XPR1: variants seen among roughly 807,000 people sequenced by gnomAD.
XPR1 encodes solute carrier family 53 member 1.
XPR1 carries 28 observed loss-of-function variants against 87.5 expected under a neutral mutation model. The ratio of observed to expected loss-of-function variants is 0.32; its 90% CI spans 0.24 to 0.44. The LOEUF (loss-of-function observed/expected upper bound fraction) is 0.44, where lower values mean the gene tolerates loss of function less well. Among genes scored for constraint, XPR1 ranks in the 20% least tolerant of loss-of-function variants. The probability of loss-of-function intolerance (pLI) is 1.00; values close to 1 mark genes in which losing one functional copy is unlikely to be tolerated. For synonymous variants in XPR1, 300 were observed against 306.1 expected (o/e 0.98, Z 0.21); for missense variants, 559 against 862.3 (o/e 0.65, Z 4.41).
At chr1:180,826,903 C>T (rs1323572496) in intron 9 of XPR1, among the ~76,000 whole-genome samples, 2 of 151,898 alleles carry the variant, frequency 1.3e-5, no homozygotes, top group Non-Finnish European at 2.9e-5. Flanking sequence ...CCTGTCGTCC[C>T]AGCACTTTGG....
chr1:180,749,364 G>T (rs1301916105), intron 2 of XPR1, among the ~76,000 whole-genome samples: 1 of 152,126 alleles, frequency 6.6e-6, no homozygotes, highest in Admixed American at 6.5e-5. Flanking sequence ...TATGTCATTA[G>T]TGAACAAGTG....
At chr1:180,845,158 AT>A (rs1651635421) in intron 11 of XPR1, among the ~76,000 whole-genome samples, 1 of 152,224 alleles carries the variant, frequency 6.6e-6, no homozygotes, top group Non-Finnish European at 1.5e-5. Flanking sequence ...TTAAAATAAT[AT>A]TTAATCAAAG....
chr1:180,664,271 A>G (rs542720932), intron 1 of XPR1, among the ~76,000 whole-genome samples: 1 of 152,280 alleles, frequency 6.6e-6, no homozygotes, highest in Admixed American at 6.5e-5. Flanking sequence ...CATGTCTCAG[A>G]GTCTCACCCA....
intron 1 of XPR1, among the ~76,000 whole-genome samples, chr1:180,639,412 T>G (rs1440945504): frequency 6.6e-6 from 1 of 152,086 alleles, no homozygotes. Flanking sequence ...AATATATTGA[T>G]TAAGAAAACA....
intron 2 of XPR1, among the ~76,000 whole-genome samples, chr1:180,691,501 C>G (rs955806882): frequency 1.3e-4 from 20 of 152,140 alleles, no homozygotes; most frequent in African/African-American, 4.3e-4. Context: ...CAGCTTAATA[C>G]AGCTATCTGA....
At chr1:180,726,935 C>A (rs1314370745) in intron 2 of XPR1, among the ~76,000 whole-genome samples, 1 of 149,980 alleles carries the variant, frequency 6.7e-6, no homozygotes, top group African/African-American at 2.5e-5. Flanking sequence ...AGTGCAGTGG[C>A]GCGTTGTCGG....
intron 12 of XPR1, among the ~76,000 whole-genome samples, chr1:180,864,179 T>G (rs565285462): frequency 6.6e-6 from 1 of 152,164 alleles, no homozygotes; most frequent in Non-Finnish European, 1.5e-5. Flanking sequence ...AATAACTTAC[T>G]GTAGTTTATG....
chr1:180,787,277 G>GTT (rs1373873832), intron 2 of XPR1, among the ~76,000 whole-genome samples: 1 of 133,834 alleles, frequency 7.5e-6, no homozygotes. Flanking sequence ...TTACAAAGAG[G>GTT]TTTTTTTTGT....
chr1:180,727,380 C>T (rs1206306965), intron 2 of XPR1, among the ~76,000 whole-genome samples: 1 of 152,050 alleles, frequency 6.6e-6, no homozygotes, highest in African/African-American at 2.4e-5. Context: ...AAAGGAATGT[C>T]ACGCTTGTAA....
chr1:180,675,365 A>G (rs983054663), intron 1 of XPR1, among the ~76,000 whole-genome samples: 2 of 152,224 alleles, frequency 1.3e-5, no homozygotes, highest in Non-Finnish European at 2.9e-5. Flanking sequence ...AGCACTTTAC[A>G]TAAGATAAGG....
chr1:180,637,773 C>T (rs935909640), intron 1 of XPR1, among the ~76,000 whole-genome samples: 27 of 152,142 alleles, frequency 1.8e-4, no homozygotes, highest in Admixed American at 1.6e-3. Flanking sequence ...AGGCTGGTCT[C>T]GAACTACTGT....
chr1:180,757,164 C>T (rs193203531), intron 2 of XPR1, among the ~76,000 whole-genome samples: 7 of 152,182 alleles, frequency 4.6e-5, no homozygotes, highest in Non-Finnish European at 1.0e-4. Context: ...TGTATTTTAG[C>T]ATCAGCTAAA....
intron 1 of XPR1, among the ~76,000 whole-genome samples, chr1:180,675,074 A>G (rs1228983005): frequency 6.6e-6 from 1 of 152,188 alleles, no homozygotes; most frequent in Non-Finnish European, 1.5e-5. Context: ...ATATATTTTA[A>G]TAACATTATG....
At chr1:180,835,968 C>G (rs977829404) in intron 10 of XPR1, among the ~76,000 whole-genome samples, 1 of 152,156 alleles carries the variant, frequency 6.6e-6, no homozygotes, top group Admixed American at 6.5e-5. Flanking sequence ...GAAAGTGATT[C>G]CTGGACAGAT....
chr1:180,739,647 G>T (rs2102020943), intron 2 of XPR1, among the ~76,000 whole-genome samples: 1 of 152,218 alleles, frequency 6.6e-6, no homozygotes, highest in South Asian at 2.1e-4. Context: ...TACAAGTTTT[G>T]TTAAATTTAT....
chr1:180,834,801 G>A, intron 9 of XPR1, 73 bp from the exon 10 acceptor site: 3 of 1,460,810 alleles, frequency 2.1e-6, no homozygotes, highest in Non-Finnish European at 1.8e-6. Context: ...ATGCTGAATG[G>A]TCAGACATGA....
intron 2 of XPR1, among the ~76,000 whole-genome samples, chr1:180,702,914 C>A (rs150493546): frequency 6.6e-6 from 1 of 152,068 alleles, no homozygotes; most frequent in African/African-American, 2.4e-5. Flanking sequence ...TCACTTCTTC[C>A]AATTTTATGG....
rs1571261883 is a variant in XPR1, at chr1:180,886,753, C to T, written c.*2687C>T. ...GACAAAGCATACATTTAATTTTTTT[C>T]TTTCAAAAAAGGCAATGTGCACTTT... On this transcript the variant is annotated 3_prime_UTR_variant, in exon 15 of 15. Transcript: ENST00000367590. 1.3e-5 allele frequency: 2 copies of T among 152,126 alleles called. No homozygotes were observed. 9.4% of individuals were successfully genotyped at this position (152,126 alleles called of 1,614,324 possible).
chr1:180,688,309 G>A (rs896440533), intron 2 of XPR1, among the ~76,000 whole-genome samples: 4 of 151,266 alleles, frequency 2.6e-5, no homozygotes, highest in East Asian at 2.0e-4. Context: ...GGCTGGTCTC[G>A]AACTCCTGAC....
Sources: allele counts gnomAD v4.1 joint callset (sites outside exome capture counted in the v4.1 genomes callset), GRCh38; gene constraint gnomAD v4.1.1; transcripts MANE v1.5; gene names NCBI Gene and HGNC (gene_info 2026-07-23, HGNC 2026-07-21).